Variants in DSCAML1 observed in about 807,000 individuals in gnomAD.
DSCAML1 encodes the protein cell adhesion molecule DSCAML1.
A neutral mutation model predicts 200.5 loss-of-function variants in DSCAML1; 38 were observed. The ratio of observed to expected loss-of-function variants is 0.19; its 90% confidence interval spans 0.15 to 0.25. The LOEUF is 0.25. Ranked by LOEUF, DSCAML1 falls within the 10% of genes least tolerant of loss-of-function variation. The probability of loss-of-function intolerance (pLI) is 1.00; values close to 1 mark genes in which losing one functional copy is unlikely to be tolerated. For synonymous variants in DSCAML1, 1,215 were observed against 1,165.0 expected (o/e 1.04, Z -0.87); for missense variants, 2,223 against 2,858.8 (o/e 0.78, Z 5.07).
intron 16 of DSCAML1, among the ~76,000 whole-genome samples, chr11:117,468,011 C>A (rs1443488133): frequency 5.9e-5 from 9 of 152,122 alleles, no homozygotes; most frequent in Non-Finnish European, 7.4e-5. Flanking sequence ...TGCAGGCACA[C>A]CCCAATCTAT....
intron 3 of DSCAML1, among the ~76,000 whole-genome samples, chr11:117,660,197 C>G (rs995104386): frequency 9.9e-5 from 15 of 152,188 alleles, no homozygotes; most frequent in Non-Finnish European, 2.9e-5. Context: ...GGGCCTGAGT[C>G]CCATAGAACA....
rs145111226 is a variant in DSCAML1, at chr11:117,699,582, C to T, written c.511+77209G>A. On this transcript the variant is annotated intron_variant, in intron 3 of 32. Coordinates refer to ENST00000651296, the MANE Select transcript of DSCAML1 (RefSeq NM_020693.4). ...AGTTTGGTAGGTGGACCACCTTCCACATCCACATGCACCGCAGTTTCACAC... is the reference window on the plus strand; with the variant it reads ...AGTTTGGTAGGTGGACCACCTTCCATATCCACATGCACCGCAGTTTCACAC... 9.1e-3 allele frequency among the ~76,000 whole-genome samples: 1,387 copies of T among 152,274 alleles called. 12 individuals are homozygous for T. The highest frequency in any genetic ancestry group is 0.031 in the Middle Eastern group (9 of 294).
chr11:117,615,081 C>A (rs964248574), intron 3 of DSCAML1, among the ~76,000 whole-genome samples: 2 of 152,180 alleles, frequency 1.3e-5, no homozygotes, highest in African/African-American at 4.8e-5. Context: ...GACCACATGT[C>A]CTTCTAAAAA....
intron 3 of DSCAML1, among the ~76,000 whole-genome samples, chr11:117,545,627 C>T (rs1009863836): frequency 5.9e-5 from 9 of 152,252 alleles, no homozygotes; most frequent in African/African-American, 1.9e-4. Context: ...CTGTACTGTA[C>T]AGGCTGGGTT....
chr11:117,555,385 G>A (rs952147536), intron 3 of DSCAML1, among the ~76,000 whole-genome samples: 7 of 152,162 alleles, frequency 4.6e-5, no homozygotes, highest in African/African-American at 7.2e-5. Context: ...CAGGATCTGC[G>A]GAGGTGGATA....
intron 3 of DSCAML1, among the ~76,000 whole-genome samples, chr11:117,572,304 G>A (rs2050860489): frequency 6.6e-6 from 1 of 152,210 alleles, no homozygotes; most frequent in African/African-American, 2.4e-5. Flanking sequence ...TTTTCACAAG[G>A]GTTTGCTCAG....
intron 3 of DSCAML1, among the ~76,000 whole-genome samples, chr11:117,759,589 G>A (rs1385743810): frequency 3.3e-5 from 5 of 152,012 alleles, no homozygotes; most frequent in East Asian, 1.9e-4. Context: ...CCATGAGGGC[G>A]ATCATCCGGG....
At chr11:117,698,444 A>C (rs987184535) in intron 3 of DSCAML1, among the ~76,000 whole-genome samples, 1 of 152,208 alleles carries the variant, frequency 6.6e-6, no homozygotes, top group African/African-American at 2.4e-5. Flanking sequence ...TACATCCTCA[A>C]TCTATAAATA....
chr11:117,429,377 G>A lies in DSCAML1; in HGVS notation c.5687-574C>T, dbSNP rs371236851. Among the ~76,000 whole-genome samples, 5 of 152,174 alleles carry A rather than the reference G, an allele frequency of 3.3e-5. No homozygotes were observed. The East Asian group carries it at 5.8e-4, about 18-fold the overall frequency. ...CTACATGTCCCCTCTCCTCCCCCTCGGTCCCCTCTTCTCCAGGTGGAAAGT... is the reference window on the plus strand; with the variant it reads ...CTACATGTCCCCTCTCCTCCCCCTCAGTCCCCTCTTCTCCAGGTGGAAAGT... On this transcript the variant is annotated intron_variant, in intron 32 of 32. Transcript: ENST00000651296.
At chr11:117,512,391 T>A (rs2049642896) in intron 8 of DSCAML1, among the ~76,000 whole-genome samples, 1 of 152,082 alleles carries the variant, frequency 6.6e-6, no homozygotes, top group South Asian at 2.1e-4. Context: ...AGCAGCGTGA[T>A]CATAATCAGC....
At chr11:117,542,649 A>C (rs1168842508) in intron 3 of DSCAML1, among the ~76,000 whole-genome samples, 1 of 152,184 alleles carries the variant, frequency 6.6e-6, no homozygotes, top group African/African-American at 2.4e-5. Flanking sequence ...CGAGAAAAGC[A>C]CCCCGAGGTG....
At chr11:117,551,257 G>A (rs1272658225) in intron 3 of DSCAML1, among the ~76,000 whole-genome samples, 1 of 152,174 alleles carries the variant, frequency 6.6e-6, no homozygotes. Context: ...GCATTTCTGG[G>A]TAAAATTCCA....
chr11:117,795,057 C>A (rs1402073527), intron 1 of DSCAML1, among the ~76,000 whole-genome samples: 5 of 152,208 alleles, frequency 3.3e-5, no homozygotes, highest in African/African-American at 9.7e-5. Flanking sequence ...CTTTCTCCAC[C>A]CCCAACCCCA....
intron 4 of DSCAML1, among the ~76,000 whole-genome samples, chr11:117,528,683 G>A (rs890906553): frequency 1.3e-5 from 2 of 152,162 alleles, no homozygotes; most frequent in African/African-American, 4.8e-5. Context: ...CTGGGGATCC[G>A]ATTCCAGTCC....
intron 1 of DSCAML1, among the ~76,000 whole-genome samples, chr11:117,807,770 G>A (rs1438897792): frequency 6.6e-6 from 1 of 152,222 alleles, no homozygotes; most frequent in Admixed American, 6.5e-5. Flanking sequence ...GGAAGAAGTG[G>A]AAGAAAATTC....
At chr11:117,447,924 G>A (rs372247095) in intron 20 of DSCAML1, among the ~76,000 whole-genome samples, 7 of 152,322 alleles carry the variant, frequency 4.6e-5, no homozygotes, top group East Asian at 3.9e-4. Flanking sequence ...AAGTGATCAC[G>A]TCACACACAG....
chr11:117,598,134 T>G (rs2051397652), intron 3 of DSCAML1, among the ~76,000 whole-genome samples: 1 of 152,208 alleles, frequency 6.6e-6, no homozygotes, highest in African/African-American at 2.4e-5. Flanking sequence ...TCAAACATTC[T>G]CTCCAGCTCT....
At chr11:117,554,842 A>G (rs187764241) in intron 3 of DSCAML1, among the ~76,000 whole-genome samples, 2 of 152,304 alleles carry the variant, frequency 1.3e-5, no homozygotes, top group South Asian at 2.1e-4. Context: ...TCCTTGTTAG[A>G]CAAGAAAAAC....
chr11:117,730,275 T>G (rs2054197676), intron 3 of DSCAML1, among the ~76,000 whole-genome samples: 2 of 152,098 alleles, frequency 1.3e-5, no homozygotes, highest in African/African-American at 4.8e-5. Context: ...GTCAGAGTGA[T>G]ACAATTGCTA....
Sources: allele counts gnomAD v4.1 joint callset (sites outside exome capture counted in the v4.1 genomes callset), GRCh38; gene constraint gnomAD v4.1.1; transcripts MANE v1.5; gene names NCBI Gene and HGNC (gene_info 2026-07-23, HGNC 2026-07-21).